Variants in CDK5RAP2 observed in about 807,000 individuals in gnomAD.
The protein encoded by CDK5RAP2 is CDK5 regulatory subunit-associated protein 2.
A neutral mutation model predicts 232.9 loss-of-function variants in CDK5RAP2; 147 were observed. That is an observed-to-expected ratio of 0.63 (90% CI 0.55 to 0.72). CDK5RAP2 has a LOEUF of 0.72. Among genes scored for constraint, CDK5RAP2 ranks in the 30% least tolerant of loss-of-function variants. The pLI, the probability that CDK5RAP2 is intolerant of heterozygous loss-of-function variation, is 0.00. For synonymous variants in CDK5RAP2, 833 were observed against 833.7 expected, an observed-to-expected ratio of 1.00 and a Z score of 0.01; for missense variants, 2,195 against 2,231.5, an observed-to-expected ratio of 0.98 and a Z score of 0.33.
intron 14 of CDK5RAP2, among the ~76,000 whole-genome samples, chr9:120,483,438 T>C (rs144118412): frequency 5.5e-4 from 84 of 152,324 alleles, no homozygotes; most frequent in African/African-American, 1.9e-3. Flanking sequence ...GGGACTCAGA[T>C]GAGGTCCATG....
Position 120,413,809 on chromosome 9 carries a change from A to AGGAGAGGGGAGGGAGGAG in CDK5RAP2, c.4297+1230_4297+1231insCTCCTCCCTCCCCTCTCC, listed in dbSNP as rs1246269453. On this transcript the variant is annotated intron_variant, in intron 28 of 37. Coordinates refer to ENST00000349780, the MANE Select transcript of CDK5RAP2 (RefSeq NM_018249.6). ...ATGCAGGAAATGGGCGCAGTGAGCG[A>AGGAGAGGGGAGGGAGGAG]GGAGGGAGGAGGGAGGAGGGAGGAG... Among the ~76,000 whole-genome samples the AGGAGAGGGGAGGGAGGAG allele has an allele frequency of 2.1e-4, 23 of 109,166 alleles. No individual in the cohort carries two copies. In the East Asian group the frequency reaches 4.5e-3, roughly 21 times the overall value. 71.6% of individuals were successfully genotyped at this position (109,166 alleles called of 152,430 possible).
At chr9:120,550,654 T>A (rs1246275546) in intron 4 of CDK5RAP2, 138 bp downstream of exon 4, 2 of 695,932 alleles carry the variant, frequency 2.9e-6, no homozygotes, top group Non-Finnish European at 5.3e-6. Context: ...AATATCTTTA[T>A]GCTCCCCATA....
chr9:120,412,629 C>T (rs894512320), intron 28 of CDK5RAP2, among the ~76,000 whole-genome samples: 2 of 152,234 alleles, frequency 1.3e-5, no homozygotes, highest in Non-Finnish European at 2.9e-5. Context: ...TGCCTTGGAA[C>T]TCCCTGCCTC....
intron 3 of CDK5RAP2, among the ~76,000 whole-genome samples, chr9:120,558,439 T>A (rs981123404): frequency 7.3e-6 from 1 of 136,858 alleles, no homozygotes; most frequent in Admixed American, 7.6e-5. Context: ...AAGAGCCCCC[T>A]TAGACTTCAG....
At chr9:120,435,536 C>A (rs960695554) in intron 25 of CDK5RAP2, among the ~76,000 whole-genome samples, 2 of 151,896 alleles carry the variant, frequency 1.3e-5, no homozygotes, top group African/African-American at 2.4e-5. Context: ...ATGATACCCT[C>A]GTAGCAATGA....
intron 14 of CDK5RAP2, among the ~76,000 whole-genome samples, chr9:120,486,520 A>C (rs980341833): frequency 7.2e-5 from 11 of 152,004 alleles, no homozygotes; most frequent in African/African-American, 2.7e-4. Context: ...TTACACAGCC[A>C]GGCAACAGGC....
intron 3 of CDK5RAP2, among the ~76,000 whole-genome samples, chr9:120,561,335 C>T (rs192378554): frequency 1.9e-4 from 29 of 152,194 alleles, no homozygotes; most frequent in African/African-American, 6.0e-4. Flanking sequence ...CTCTCTCTGT[C>T]GCTCAGGCTA....
At chr9:120,427,406 T>G (rs1416824169) in intron 25 of CDK5RAP2, among the ~76,000 whole-genome samples, 2 of 152,230 alleles carry the variant, frequency 1.3e-5, no homozygotes, top group Non-Finnish European at 2.9e-5. Context: ...CAAACATCTC[T>G]ATAAGACAGG....
In CDK5RAP2 at chr9:120,453,535, G is replaced by A. The variant is rs750689530; in HGVS notation, c.2714C>T (p.Ala905Val). The A allele has an allele frequency of 2.0e-5, 32 of 1,614,010 alleles. No individual in the cohort carries two copies. The highest frequency in any genetic ancestry group is 2.7e-5 in the Non-Finnish European group (32 of 1,180,048). The change falls in exon 21 of 38, where the codon GCA (alanine) becomes GTA (valine). Residue 905 changes from alanine to valine, a missense_variant. Transcript: ENST00000349780. ...EEKPINTALS[A>V]EHRPENLHGV... ...GTGCAGGTTCTCTGGCCGATGCTCT[G>A]CGCTGAGTGCAGTGTTGATCGGTTT...
intron 7 of CDK5RAP2, among the ~76,000 whole-genome samples, chr9:120,534,689 G>A (rs1329231215): frequency 6.6e-6 from 1 of 152,150 alleles, no homozygotes; most frequent in Non-Finnish European, 1.5e-5. Context: ...TCTGTCCCAG[G>A]ACCTCTTTTC....
chr9:120,554,246 T>C (rs1433459298), intron 3 of CDK5RAP2, among the ~76,000 whole-genome samples: 1 of 152,254 alleles, frequency 6.6e-6, no homozygotes, highest in African/African-American at 2.4e-5. Context: ...ATTTGTACCA[T>C]ATAAATTTCC....
intron 4 of CDK5RAP2, among the ~76,000 whole-genome samples, chr9:120,546,929 T>C (rs914684638): frequency 1.3e-5 from 2 of 152,140 alleles, no homozygotes; most frequent in Admixed American, 6.5e-5. Flanking sequence ...TCTTTTATTT[T>C]AATAATCCAT....
At chr9:120,491,225 T>C (rs1265567212) in intron 13 of CDK5RAP2, 82 bp downstream of exon 13, 1 of 1,072,220 alleles carries the variant, frequency 9.3e-7, no homozygotes, top group Non-Finnish European at 1.4e-6. Context: ...ACTGTAATCA[T>C]AAATATTTCT....
chr9:120,548,741 G>A (rs1056708602), intron 4 of CDK5RAP2, among the ~76,000 whole-genome samples: 3 of 152,214 alleles, frequency 2.0e-5, no homozygotes, highest in Non-Finnish European at 4.4e-5. Context: ...CAGCCCAAGA[G>A]TTCAAGGTTG....
chr9:120,524,398 T>C (rs1267489330), intron 11 of CDK5RAP2, among the ~76,000 whole-genome samples: 3 of 152,190 alleles, frequency 2.0e-5, no homozygotes, highest in Admixed American at 6.5e-5. Flanking sequence ...TCCAGCACTT[T>C]GGAAGGCCAA....
In CDK5RAP2 at chr9:120,407,792, G is replaced by GA. The variant is rs199866294; in HGVS notation, c.4727-545_4727-544insT. 338 of 185,792 alleles carry GA rather than the reference G, an allele frequency of 1.8e-3. 1 individual carries two copies. The highest frequency in any genetic ancestry group is 0.013 in the Middle Eastern group (5 of 398). The allele number at this position is 185,792 out of a possible 1,614,324, so 11.5% of individuals were successfully genotyped here. Reference sequence around the variant, plus strand: ...CGTTATAGTTGAAGCACTCTGAGCTGGTATCTCTCCTGGGATACAGAGAGC... The same window carrying GA: ...CGTTATAGTTGAAGCACTCTGAGCTGAGTATCTCTCCTGGGATACAGAGAGC... On this transcript the variant is annotated intron_variant, in intron 31 of 37. Coordinates refer to ENST00000349780, the MANE Select transcript of CDK5RAP2 (RefSeq NM_018249.6).
intron 17 of CDK5RAP2, among the ~76,000 whole-genome samples, chr9:120,468,330 C>G (rs756445116): frequency 1.3e-5 from 2 of 152,212 alleles, no homozygotes; most frequent in Non-Finnish European, 2.9e-5. Context: ...CTGGCACGGT[C>G]TAAGTGCTCA....
chr9:120,408,959 C>G (rs560910970), intron 30 of CDK5RAP2, among the ~76,000 whole-genome samples, 168 bp downstream of exon 30: 7 of 152,266 alleles, frequency 4.6e-5, no homozygotes, highest in African/African-American at 1.7e-4. Context: ...CTCCTCCTTA[C>G]AGGATCTTTC....
At chr9:120,490,627 C>T (rs2038853532) in intron 13 of CDK5RAP2, among the ~76,000 whole-genome samples, 1 of 152,174 alleles carries the variant, frequency 6.6e-6, no homozygotes, top group Admixed American at 6.5e-5. Flanking sequence ...AATCCTATGC[C>T]CTTAACACTT....
Sources: gnomAD v4.1 joint callset for allele counts (sites outside exome capture counted in the v4.1 genomes callset) on GRCh38, gnomAD v4.1.1 for gene constraint, MANE v1.5 for transcripts, NCBI Gene and HGNC (gene_info 2026-07-23, HGNC 2026-07-21) for gene names.